The following ARHGAP5 variants were observed in gnomAD, a reference collection of about 807,000 sequenced individuals.
The protein encoded by ARHGAP5 is rho GTPase-activating protein 5.
A neutral mutation model predicts 116.6 loss-of-function variants in ARHGAP5; 23 were observed. The observed-to-expected ratio is 0.20, with a 90% CI of 0.14 to 0.28. The LOEUF (loss-of-function observed/expected upper bound fraction) is 0.28, where lower values mean the gene tolerates loss of function less well. ARHGAP5 is among the 10% of genes least tolerant of loss of function. The pLI, the probability that ARHGAP5 is intolerant of heterozygous loss-of-function variation, is 1.00. For missense variants in ARHGAP5, 1,405 were observed against 1,774.8 expected, an observed-to-expected ratio of 0.79 and a Z score of 3.74; for synonymous variants, 574 against 602.0, an observed-to-expected ratio of 0.95 and a Z score of 0.68.
Position 32,091,224 on chromosome 14 carries a change from C to T in ARHGAP5, c.555C>T (p.Val185=), listed in dbSNP as rs1347152204. The T allele has an allele frequency of 6.2e-7, 1 of 1,612,208 alleles. No individual in the cohort carries two copies. Among genetic ancestry groups the T allele is most frequent in the African/African-American group, 1.3e-5 (1 of 74,838 alleles). Residue 185 remains valine, a synonymous_variant, in exon 2 of 7, where the codon GTC becomes GTT. Coordinates refer to ENST00000345122, the MANE Select transcript of ARHGAP5 (RefSeq NM_001030055.2). ...TTAAATTTGTGAATAACCTTTTTGT[C>T]CAGTTATCAAAATCAAAAAAACCTG... ...DQLKFVNNLF[V]QLSKSKKPVI...
rs748908316 is a variant in ARHGAP5 at position 32,154,827 on chromosome 14, C to T, written c.4388C>T (p.Pro1463Leu). ...EIVETTNIVA[P>L]PPPSNPGQLV... ...GTAGAAACGACAAACATTGTGGCTCCTCCACCACCTTCAAACCCAGGACAG... is the reference window on the plus strand; with the variant it reads ...GTAGAAACGACAAACATTGTGGCTCTTCCACCACCTTCAAACCCAGGACAG... The change falls in exon 7 of 7, where the codon CCT (proline) becomes CTT (leucine). Residue 1463 changes from proline to leucine, a missense_variant. Physicochemically the swap from Pro to Leu is moderately conservative, Grantham distance 98 (BLOSUM62 -3). Coordinates refer to ENST00000345122, the MANE Select transcript of ARHGAP5 (RefSeq NM_001030055.2). 1.9e-6 allele frequency: 3 copies of T among 1,613,978 alleles called. No homozygotes were observed. In the East Asian group the frequency reaches 6.7e-5, roughly 36 times the overall value.
intron 4 of ARHGAP5, among the ~76,000 whole-genome samples, chr14:32,149,188 TC>T (rs1356787444): frequency 2.6e-5 from 4 of 151,574 alleles, no homozygotes; most frequent in Non-Finnish European, 4.4e-5. Context: ...TTTTTTTTTT[TC>T]CTCCTCCAAA....
chr14:32,110,312 A>T (rs1879227393), intron 2 of ARHGAP5, among the ~76,000 whole-genome samples: 1 of 151,182 alleles, frequency 6.6e-6, no homozygotes, highest in South Asian at 2.1e-4. Context: ...GAAAGACAGC[A>T]GTAGGATTGC....
chr14:32,142,364 A>C (rs1881167534), intron 3 of ARHGAP5, among the ~76,000 whole-genome samples: 1 of 152,170 alleles, frequency 6.6e-6, no homozygotes, highest in African/African-American at 2.4e-5. Context: ...GCAGCTCTGG[A>C]AATGAAATTC....
chr14:32,116,436 A>C (rs914145743), intron 2 of ARHGAP5, among the ~76,000 whole-genome samples: 2 of 140,626 alleles, frequency 1.4e-5, no homozygotes, highest in African/African-American at 5.3e-5. Flanking sequence ...AAAAATACAA[A>C]AAAATAATTA....
At chr14:32,138,411 G>A (rs2091690949) in intron 3 of ARHGAP5, among the ~76,000 whole-genome samples, 2 of 152,138 alleles carry the variant, frequency 1.3e-5, no homozygotes, top group South Asian at 4.1e-4. Flanking sequence ...AGCTTCCCGA[G>A]TAGCTGGGAT....
At chr14:32,098,282 GAAAC>G (rs896599482) in intron 2 of ARHGAP5, among the ~76,000 whole-genome samples, 8 of 152,282 alleles carry the variant, frequency 5.3e-5, no homozygotes, top group South Asian at 2.1e-4. Context: ...ATAGAGTCTG[GAAAC>G]AAACAGACCT....
chr14:32,135,708 C>G lies in ARHGAP5; in HGVS notation c.3866-10555C>G, dbSNP rs1427279814. Among the ~76,000 whole-genome samples the G allele has an allele frequency of 2.6e-5, 4 of 152,356 alleles. No individual in the cohort carries two copies. In the East Asian group the frequency reaches 7.7e-4, roughly 29 times the overall value. Reference sequence around the variant, plus strand: ...AAAGTGATGTGATTACAGGTGCAAGCCACCACTCCTGGCCGATTTTTAGGT... The same window carrying G: ...AAAGTGATGTGATTACAGGTGCAAGGCACCACTCCTGGCCGATTTTTAGGT... On this transcript the variant is annotated intron_variant, in intron 3 of 6. Coordinates refer to ENST00000345122, the MANE Select transcript of ARHGAP5 (RefSeq NM_001030055.2).
chr14:32,115,216 T>G lies in ARHGAP5; in HGVS notation c.3718-1924T>G, dbSNP rs938794569. On this transcript the variant is annotated intron_variant, in intron 2 of 6. Coordinates refer to ENST00000345122, the MANE Select transcript of ARHGAP5 (RefSeq NM_001030055.2). Reference sequence around the variant, plus strand: ...CAGTAGTTTGATTCCCAAAAATACTTCTTTAAGTTTTTGAGATGTTCATTC... The same window carrying G: ...CAGTAGTTTGATTCCCAAAAATACTGCTTTAAGTTTTTGAGATGTTCATTC... Among the ~76,000 whole-genome samples, 4 of 152,320 alleles carry G rather than the reference T, an allele frequency of 2.6e-5. No homozygotes were observed. In the East Asian group the frequency reaches 5.8e-4, roughly 22 times the overall value.
intron 2 of ARHGAP5, among the ~76,000 whole-genome samples, chr14:32,107,678 A>G (rs952779186): frequency 6.6e-6 from 1 of 152,254 alleles, no homozygotes; most frequent in African/African-American, 2.4e-5. Context: ...GCAGTTGGGT[A>G]GATTTACTAA....
chr14:32,109,713 A>G (rs1302928199), intron 2 of ARHGAP5, among the ~76,000 whole-genome samples: 1 of 152,140 alleles, frequency 6.6e-6, no homozygotes. Context: ...TGAAACTATT[A>G]TAATTTAAAT....
intron 1 of ARHGAP5, among the ~76,000 whole-genome samples, chr14:32,087,868 C>T (rs2041845600): frequency 1.3e-5 from 2 of 151,890 alleles, no homozygotes; most frequent in African/African-American, 4.8e-5. Flanking sequence ...TGTGTTGAAG[C>T]CTTAGTATTA....
intron 3 of ARHGAP5, among the ~76,000 whole-genome samples, chr14:32,144,407 A>G (rs144150007): frequency 7.9e-5 from 12 of 151,972 alleles, no homozygotes; most frequent in South Asian, 2.1e-4. Flanking sequence ...TTATCTTGCT[A>G]TTGAGCCCAC....
rs1878416035 is a variant in ARHGAP5, at chr14:32,094,340, A to T, written c.3671A>T (p.Asp1224Val). ...PAITSDQELD[D>V]KKMKKKTHKV... ...ATCACTTCTGACCAGGAGTTAGATGATAAGAAGATGAAGAAGAAAACCCAC... is the reference window on the plus strand; with the variant it reads ...ATCACTTCTGACCAGGAGTTAGATGTTAAGAAGATGAAGAAGAAAACCCAC... Residue 1224 changes from aspartate (D) to valine (V), a missense_variant, in exon 2 of 7, where the codon GAT (aspartate) becomes GTT (valine). This residue lies in a region of ARHGAP5 where 176 missense variants were observed against 221.2 expected (regional missense o/e 0.80). Coordinates refer to ENST00000345122, the MANE Select transcript of ARHGAP5 (RefSeq NM_001030055.2). 1 of 1,591,664 alleles carries T rather than the reference A, an allele frequency of 6.3e-7. No homozygotes were observed. The highest frequency in any genetic ancestry group is 2.2e-5 in the East Asian group (1 of 44,768).
chr14:32,098,435 A>G (rs1594352338), intron 2 of ARHGAP5, among the ~76,000 whole-genome samples: 1 of 152,216 alleles, frequency 6.6e-6, no homozygotes, highest in Non-Finnish European at 1.5e-5. Context: ...GTCAGATCTG[A>G]TAGCTAAATT....
chr14:32,113,592 A>G (rs1172102168), intron 2 of ARHGAP5, among the ~76,000 whole-genome samples: 3 of 152,240 alleles, frequency 2.0e-5, no homozygotes, highest in Admixed American at 1.3e-4. Context: ...ATTTACTGGC[A>G]TAAGCCAGAG....
chr14:32,106,407 C>T (rs1380662773), intron 2 of ARHGAP5, among the ~76,000 whole-genome samples: 1 of 152,228 alleles, frequency 6.6e-6, no homozygotes, highest in Non-Finnish European at 1.5e-5. Flanking sequence ...GCATGAGCCG[C>T]TGCACTCGGC....
intron 4 of ARHGAP5, among the ~76,000 whole-genome samples, chr14:32,149,476 A>G (rs1881541994): frequency 1.3e-5 from 2 of 152,120 alleles, no homozygotes; most frequent in Non-Finnish European, 2.9e-5. Flanking sequence ...GTAAGCCTGA[A>G]AAGAAAAGTG....
At chr14:32,078,929 A>G (rs148050156) in intron 1 of ARHGAP5, among the ~76,000 whole-genome samples, 3 of 152,322 alleles carry the variant, frequency 2.0e-5, no homozygotes, top group Admixed American at 6.5e-5. Context: ...GTAACCTACT[A>G]GATAGTTTCT....
Sources: allele counts gnomAD v4.1 joint callset (sites outside exome capture counted in the v4.1 genomes callset), GRCh38; gene constraint gnomAD v4.1.1; regional missense constraint gnomAD v4.1.1; transcripts MANE v1.5; gene names NCBI Gene and HGNC (gene_info 2026-07-23, HGNC 2026-07-21).